NRP1: variants seen among roughly 807,000 people sequenced by gnomAD.
The protein encoded by NRP1 is neuropilin 1.
In NRP1, 35 loss-of-function variants were observed where a neutral mutation model predicts 106.7. The observed-to-expected ratio is 0.33, with a 90% CI of 0.25 to 0.43. The LOEUF (loss-of-function observed/expected upper bound fraction) is 0.43, where lower values mean the gene tolerates loss of function less well. Ranked by LOEUF, NRP1 falls within the 20% of genes least tolerant of loss-of-function variation. The pLI is 1.00. For missense variants in NRP1, 1,024 were observed against 1,170.4 expected (o/e 0.87, Z 1.83); for synonymous variants, 437 against 417.9 (o/e 1.05, Z -0.56).
intron 1 of NRP1, among the ~76,000 whole-genome samples, chr10:33,333,852 C>T (rs1466771829): frequency 6.6e-6 from 1 of 152,126 alleles, no homozygotes; most frequent in Non-Finnish European, 1.5e-5. Context: ...TTCATCAACC[C>T]ACAAACCGAT....
intron 4 of NRP1, among the ~76,000 whole-genome samples, chr10:33,257,305 C>A (rs182894048): frequency 5.9e-5 from 9 of 152,088 alleles, no homozygotes; most frequent in Non-Finnish European, 8.8e-5. Flanking sequence ...CTTGAGGAGG[C>A]GAATGATTGG....
chr10:33,301,309 AG>A (rs1242507965), intron 2 of NRP1, among the ~76,000 whole-genome samples: 1 of 152,194 alleles, frequency 6.6e-6, no homozygotes, highest in Non-Finnish European at 1.5e-5. Flanking sequence ...AGGTGGAACA[AG>A]GGTGACCTTT....
chr10:33,255,151 C>T (rs1842114504), intron 5 of NRP1, among the ~76,000 whole-genome samples: 1 of 152,158 alleles, frequency 6.6e-6, no homozygotes, highest in African/African-American at 2.4e-5. Flanking sequence ...AATTTTCTAT[C>T]AATAACAGAT....
intron 12 of NRP1, chr10:33,194,618 G>A (rs1278293864): frequency 4.5e-6 from 2 of 446,040 alleles, no homozygotes; most frequent in African/African-American, 4.0e-5. Context: ...ATTTAACCAG[G>A]TGAACCGCTC....
chr10:33,210,988 C>T lies in NRP1; in HGVS notation c.1614+2398G>A, dbSNP rs146659834. Among the ~76,000 whole-genome samples, 153 of 152,214 alleles carry T rather than the reference C, an allele frequency of 1.0e-3. 2 individuals are homozygous for T. In the East Asian group the frequency reaches 0.026, roughly 26 times the overall value. ...CATAGATTAGGCTGTATGTAAACAACGAAGAAGCTTTTACAGTTTTCAGTA... is the reference window on the plus strand; with the variant it reads ...CATAGATTAGGCTGTATGTAAACAATGAAGAAGCTTTTACAGTTTTCAGTA... On this transcript the variant is annotated intron_variant, in intron 9 of 16. Transcript: ENST00000374867.
intron 6 of NRP1, among the ~76,000 whole-genome samples, chr10:33,234,562 G>T (rs1204523188): frequency 1.3e-5 from 2 of 152,062 alleles, no homozygotes; most frequent in Non-Finnish European, 2.9e-5. Context: ...ACAAAACTTT[G>T]CAAATAATTT....
chr10:33,303,067 G>A (rs918221917), intron 2 of NRP1, among the ~76,000 whole-genome samples: 1 of 152,158 alleles, frequency 6.6e-6, no homozygotes, highest in African/African-American at 2.4e-5. Context: ...CAGGCAAAAA[G>A]CTGTCCCTCA....
intron 3 of NRP1, among the ~76,000 whole-genome samples, chr10:33,268,781 A>G (rs1843097686): frequency 6.6e-6 from 1 of 152,214 alleles, no homozygotes; most frequent in Non-Finnish European, 1.5e-5. Flanking sequence ...ATAACAAGTC[A>G]AACAGTTTTC....
At chr10:33,314,866 G>A (rs1016956701) in intron 2 of NRP1, among the ~76,000 whole-genome samples, 4 of 152,170 alleles carry the variant, frequency 2.6e-5, no homozygotes, top group African/African-American at 9.7e-5. Flanking sequence ...CTCTAATGAA[G>A]AAATTCACTT....
intron 2 of NRP1, among the ~76,000 whole-genome samples, chr10:33,294,952 C>T (rs551223635): frequency 9.8e-5 from 15 of 152,298 alleles, no homozygotes; most frequent in Admixed American, 9.2e-4. Flanking sequence ...CACCTATATA[C>T]TACATCAACT....
intron 8 of NRP1, among the ~76,000 whole-genome samples, chr10:33,215,995 C>T (rs981675661): frequency 5.9e-5 from 9 of 152,160 alleles, no homozygotes; most frequent in Non-Finnish European, 1.0e-4. Context: ...TACCCTTTTC[C>T]ATTATCTGAA....
intron 11 of NRP1, among the ~76,000 whole-genome samples, chr10:33,199,004 A>G (rs897131919): frequency 6.6e-6 from 1 of 152,102 alleles, no homozygotes; most frequent in Non-Finnish European, 1.5e-5. Context: ...ATCTATTAAG[A>G]CTTAGCTTTA....
rs750413908 is a variant in NRP1, at chr10:33,197,622, C to CT, written c.1924+27dup. ...CGGAGAGAAGAGAGGTACATGGAAT[C>CT]TGTCACATTTCGTATTTTATTTGAT... On this transcript the variant is annotated intron_variant, in intron 12 of 16. Coordinates refer to ENST00000374867, the MANE Select transcript of NRP1 (RefSeq NM_003873.7). 67 of 1,574,070 alleles carry CT rather than the reference C, an allele frequency of 4.3e-5. No homozygotes were observed. In the East Asian group the frequency reaches 1.4e-3, roughly 32 times the overall value.
chr10:33,207,185 G>A (rs967261284), intron 10 of NRP1, among the ~76,000 whole-genome samples: 1 of 152,130 alleles, frequency 6.6e-6, no homozygotes, highest in Non-Finnish European at 1.5e-5. Context: ...TTGGAGTGAT[G>A]GAAATATTTT....
chr10:33,236,971 T>C (rs557887169), intron 6 of NRP1, among the ~76,000 whole-genome samples: 84 of 152,258 alleles, frequency 5.5e-4, no homozygotes, highest in Admixed American at 4.1e-3. Context: ...TAAGACCTTT[T>C]TTTTCTTCTT....
chr10:33,268,362 G>A (rs1843067678), intron 3 of NRP1, among the ~76,000 whole-genome samples: 1 of 152,116 alleles, frequency 6.6e-6, no homozygotes, highest in Admixed American at 6.5e-5. Flanking sequence ...TTTGGTTAAT[G>A]GCAGTGACAT....
At chr10:33,248,463 T>C (rs970108550) in intron 6 of NRP1, among the ~76,000 whole-genome samples, 2 of 152,234 alleles carry the variant, frequency 1.3e-5, no homozygotes, top group African/African-American at 4.8e-5. Context: ...TTTGACACTA[T>C]TGTCTCAAAG....
chr10:33,329,460 G>C (rs1848120617), intron 2 of NRP1, among the ~76,000 whole-genome samples: 1 of 152,176 alleles, frequency 6.6e-6, no homozygotes. Context: ...CTTCCTACAG[G>C]TAGGAAGATT....
intron 3 of NRP1, among the ~76,000 whole-genome samples, chr10:33,264,516 C>G (rs1842788571): frequency 6.6e-6 from 1 of 152,194 alleles, no homozygotes; most frequent in African/African-American, 2.4e-5. Flanking sequence ...CCGGAAGTCA[C>G]CTGATATCAA....
Sources: gnomAD v4.1 joint callset for allele counts (sites outside exome capture counted in the v4.1 genomes callset) on GRCh38, gnomAD v4.1.1 for gene constraint, MANE v1.5 for transcripts, NCBI Gene and HGNC (gene_info 2026-07-23, HGNC 2026-07-21) for gene names.